The following AKAP6 variants were observed in gnomAD, a reference collection of about 807,000 sequenced individuals.
AKAP6 encodes the protein A-kinase anchoring protein 6, also known as A-kinase anchor protein 6.
A neutral mutation model predicts 188.5 loss-of-function variants in AKAP6; 58 were observed. The ratio of observed to expected loss-of-function variants is 0.31; its 90% CI spans 0.25 to 0.38. The LOEUF (loss-of-function observed/expected upper bound fraction) is 0.38. Among genes scored for constraint, AKAP6 ranks in the 10% least tolerant of loss-of-function variants. AKAP6 has a pLI of 1.00. For synonymous variants in AKAP6, 989 were observed against 998.6 expected (o/e 0.99, Z 0.18); for missense variants, 2,710 against 2,740.0 (o/e 0.99, Z 0.24).
intron 7 of AKAP6, among the ~76,000 whole-genome samples, chr14:32,639,673 G>A (rs1408567498): frequency 1.3e-5 from 2 of 152,140 alleles, no homozygotes; most frequent in South Asian, 2.1e-4. Flanking sequence ...CAAGGGAGAA[G>A]TCCAAAGTGT....
intron 4 of AKAP6, among the ~76,000 whole-genome samples, chr14:32,558,665 A>G (rs911423791): frequency 2.0e-5 from 3 of 152,220 alleles, no homozygotes; most frequent in African/African-American, 7.2e-5. Flanking sequence ...CCAAAATACA[A>G]TAAGATAGAA....
chr14:32,700,377 T>C (rs1890572750), intron 9 of AKAP6, among the ~76,000 whole-genome samples: 1 of 152,166 alleles, frequency 6.6e-6, no homozygotes, highest in African/African-American at 2.4e-5. Context: ...AGCCTGGTGA[T>C]TATTGTTATA....
intron 13 of AKAP6, among the ~76,000 whole-genome samples, chr14:32,826,900 A>C (rs915483568): frequency 1.3e-5 from 2 of 152,150 alleles, no homozygotes; most frequent in Non-Finnish European, 2.9e-5. Flanking sequence ...AGAAACAGCC[A>C]GATTTTACTT....
At chr14:32,569,849 C>G (rs1260608822) in intron 4 of AKAP6, among the ~76,000 whole-genome samples, 2 of 151,952 alleles carry the variant, frequency 1.3e-5, no homozygotes, top group East Asian at 3.8e-4. Flanking sequence ...TTTTGGTAGC[C>G]CCATTGCTGA....
chr14:32,492,355 T>TATATATATAGAG lies in AKAP6; in HGVS notation c.325-43198_325-43197insTATATATAGAGA. Among the ~76,000 whole-genome samples the TATATATATAGAG allele has an allele frequency of 4.8e-3, 395 of 82,596 alleles. 3 individuals are homozygous for TATATATATAGAG. Among genetic ancestry groups the TATATATATAGAG allele is most frequent in the South Asian group, 0.02 (28 of 1,426 alleles). The allele number at this position is 82,596 out of a possible 152,430, so 54.2% of individuals were successfully genotyped here. On this transcript the variant is annotated intron_variant, in intron 2 of 13. Coordinates refer to ENST00000280979, the MANE Select transcript of AKAP6 (RefSeq NM_004274.5). ...ACATTGTAATATATATATATATATATAGAGAGAGAGAGAGAGAGAGAGAGA... is the reference window on the plus strand; with the variant it reads ...ACATTGTAATATATATATATATATATATATATATAGAGAGAGAGAGAGAGAGAGAGAGAGAGA...
At chr14:32,585,944 T>G (rs919950208) in intron 5 of AKAP6, among the ~76,000 whole-genome samples, 1 of 152,106 alleles carries the variant, frequency 6.6e-6, no homozygotes, top group African/African-American at 2.4e-5. Context: ...AATGTCTTTT[T>G]AATGGATTAA....
At chr14:32,344,407 G>T (rs1886996594) in intron 1 of AKAP6, among the ~76,000 whole-genome samples, 2 of 152,228 alleles carry the variant, frequency 1.3e-5, no homozygotes, top group South Asian at 4.1e-4. Context: ...GGGAGTCAGA[G>T]AAATTATAAA....
Position 32,359,761 on chromosome 14 carries a change from T to A in AKAP6, c.-35+30353T>A, listed in dbSNP as rs193301977. ...TAAAATGTCCTTCAATTTGAGTCTG[T>A]CTTGTGTTTCCTCCTGAATAGGCTG... On this transcript the variant is annotated intron_variant, in intron 1 of 13. Transcript: ENST00000280979. 1.1e-3 allele frequency among the ~76,000 whole-genome samples: 161 copies of A among 152,322 alleles called. 1 individual carries two copies. The highest frequency in any genetic ancestry group is 3.8e-3 in the African/African-American group (158 of 41,574).
At chr14:32,591,987 G>A (rs1471424990) in intron 5 of AKAP6, among the ~76,000 whole-genome samples, 1 of 152,190 alleles carries the variant, frequency 6.6e-6, no homozygotes, top group Non-Finnish European at 1.5e-5. Flanking sequence ...TCATCTAACT[G>A]TAATTGGCAA....
At chr14:32,512,055 T>G (rs1303858119) in intron 2 of AKAP6, among the ~76,000 whole-genome samples, 2 of 152,210 alleles carry the variant, frequency 1.3e-5, no homozygotes, top group Admixed American at 6.5e-5. Context: ...TTAATTTACT[T>G]GTAGACATTT....
At chr14:32,407,909 T>C (rs1281889789) in intron 1 of AKAP6, among the ~76,000 whole-genome samples, 1 of 152,198 alleles carries the variant, frequency 6.6e-6, no homozygotes, top group African/African-American at 2.4e-5. Flanking sequence ...GCTAGGAGTT[T>C]AGAAACATCC....
intron 11 of AKAP6, among the ~76,000 whole-genome samples, chr14:32,745,029 T>G (rs1450551839): frequency 6.6e-6 from 1 of 152,106 alleles, no homozygotes; most frequent in Non-Finnish European, 1.5e-5. Context: ...ATTCTTTGAG[T>G]TTTTGCAACA....
intron 12 of AKAP6, among the ~76,000 whole-genome samples, chr14:32,774,697 T>C (rs1450290541): frequency 6.6e-6 from 1 of 152,212 alleles, no homozygotes; most frequent in Non-Finnish European, 1.5e-5. Context: ...GGTCAATGTC[T>C]ATTAGTTGAA....
At chr14:32,601,396 G>C (rs1397345807) in intron 7 of AKAP6, among the ~76,000 whole-genome samples, 1 of 152,180 alleles carries the variant, frequency 6.6e-6, no homozygotes, top group Non-Finnish European at 1.5e-5. Flanking sequence ...AATGAGTACT[G>C]ATGTGTTTTG....
chr14:32,618,209 A>G (rs918237036), intron 7 of AKAP6, among the ~76,000 whole-genome samples: 6 of 152,184 alleles, frequency 3.9e-5, no homozygotes, highest in African/African-American at 1.2e-4. Context: ...AAAATTTTTC[A>G]GTAGCTTTAG....
intron 7 of AKAP6, among the ~76,000 whole-genome samples, chr14:32,656,064 G>A (rs1174046446): frequency 6.6e-6 from 1 of 152,078 alleles, no homozygotes; most frequent in Non-Finnish European, 1.5e-5. Context: ...TAGCCATCTA[G>A]TGATAAAGTA....
intron 9 of AKAP6, among the ~76,000 whole-genome samples, chr14:32,721,600 C>G (rs971735404): frequency 6.6e-6 from 1 of 152,102 alleles, no homozygotes; most frequent in East Asian, 1.9e-4. Flanking sequence ...TTAACCCTGC[C>G]CTTTCTTTTG....
chr14:32,718,187 G>C (rs1487353224), intron 9 of AKAP6: 24 of 618,396 alleles, frequency 3.9e-5, no homozygotes, highest in Non-Finnish European at 3.2e-5. Flanking sequence ...TAGCTTCTAT[G>C]TATCAATTTT....
At chr14:32,366,869 T>C (rs1283409966) in intron 1 of AKAP6, among the ~76,000 whole-genome samples, 1 of 152,170 alleles carries the variant, frequency 6.6e-6, no homozygotes, top group African/African-American at 2.4e-5. Flanking sequence ...AAGACAGACT[T>C]ATGCAAGGTT....
Sources: gnomAD v4.1 joint callset for allele counts (sites outside exome capture counted in the v4.1 genomes callset) on GRCh38, gnomAD v4.1.1 for gene constraint, MANE v1.5 for transcripts, NCBI Gene and HGNC (gene_info 2026-07-23, HGNC 2026-07-21) for gene names.